Variants in EXT1 observed in about 807,000 individuals in gnomAD.
EXT1 encodes exostosin glycosyltransferase 1.
In EXT1, 20 loss-of-function variants were observed where a neutral mutation model predicts 82.5. The ratio of observed to expected loss-of-function variants is 0.24; its 90% CI spans 0.17 to 0.35. The LOEUF is 0.35. Ranked by LOEUF, EXT1 falls within the 10% of genes least tolerant of loss-of-function variation. The pLI, the probability that EXT1 is intolerant of heterozygous loss-of-function variation, is 1.00. For missense variants in EXT1, 757 were observed against 936.5 expected (o/e 0.81, Z 2.50); for synonymous variants, 348 against 350.8 (o/e 0.99, Z 0.09).
At chr8:118,068,238 G>A (rs995092514) in intron 1 of EXT1, among the ~76,000 whole-genome samples, 1 of 152,154 alleles carries the variant, frequency 6.6e-6, no homozygotes, top group Admixed American at 6.5e-5. Context: ...CAAACAATGT[G>A]GTCAGCCTCT....
chr8:118,087,462 T>C (rs1368917276), intron 1 of EXT1, among the ~76,000 whole-genome samples: 1 of 152,170 alleles, frequency 6.6e-6, no homozygotes, highest in African/African-American at 2.4e-5. Flanking sequence ...ACGTAGAAGT[T>C]TGATGTGTAC....
At chr8:117,808,070 C>T (rs1823263730) in intron 8 of EXT1, among the ~76,000 whole-genome samples, 1 of 152,202 alleles carries the variant, frequency 6.6e-6, no homozygotes, top group East Asian at 1.9e-4. Context: ...AAATGTCTCT[C>T]CGGTGCTTAT....
At chr8:117,976,529 A>G (rs1433819081) in intron 1 of EXT1, among the ~76,000 whole-genome samples, 4 of 152,220 alleles carry the variant, frequency 2.6e-5, no homozygotes, top group Non-Finnish European at 5.9e-5. Flanking sequence ...AAGACTGTAT[A>G]CAGTAGGGTT....
At chr8:117,832,637 C>T (rs1812122009) in intron 3 of EXT1, among the ~76,000 whole-genome samples, 1 of 152,162 alleles carries the variant, frequency 6.6e-6, no homozygotes, top group South Asian at 2.1e-4. Context: ...ATCACAGACT[C>T]ACCTACCAAT....
chr8:117,807,195 G>A (rs1209874844), intron 9 of EXT1, 22 bp downstream of exon 9: 1 of 1,613,912 alleles, frequency 6.2e-7, no homozygotes, highest in African/African-American at 1.3e-5. Context: ...AAGTCTGTAA[G>A]AGACATGTCC....
rs551676408 is a variant in EXT1, at chr8:118,068,660, C to T, written c.962+41425G>A. 3.9e-5 allele frequency among the ~76,000 whole-genome samples: 6 copies of T among 152,250 alleles called. No homozygotes were observed. The East Asian group carries it at 1.2e-3, about 29-fold the overall frequency. ...ATAAATAGAAACCAGAAGTGAAAAACTTGCCTAACACCTAAACCTGGATAT... is the reference window on the plus strand; with the variant it reads ...ATAAATAGAAACCAGAAGTGAAAAATTTGCCTAACACCTAAACCTGGATAT... On this transcript the variant is annotated intron_variant, in intron 1 of 10. Coordinates refer to ENST00000378204, the MANE Select transcript of EXT1 (RefSeq NM_000127.3).
At position 117,812,904 on chromosome 8, in the gene EXT1, G is replaced by A. The variant is rs1297906558; in HGVS notation, c.1690C>T (p.Leu564Phe). 6.2e-7 allele frequency: 1 copy of A among 1,614,092 alleles called. No homozygotes were observed. The highest frequency in any genetic ancestry group is 1.1e-5 in the South Asian group (1 of 91,044). ...GTTGAAAGCACCGTGTCCTCGTCAAGGCTGAGCACGGCGTCTGTGATGATG... is the reference window on the plus strand; with the variant it reads ...GTTGAAAGCACCGTGTCCTCGTCAAAGCTGAGCACGGCGTCTGTGATGATG... ...DNIITDAVLS[L>F]DEDTVLSTTE... Residue 564 changes from leucine (L) to phenylalanine (F), a missense_variant, in exon 8 of 11, where the codon CTT becomes TTT. Coordinates refer to ENST00000378204, the MANE Select transcript of EXT1 (RefSeq NM_000127.3).
At chr8:118,101,179 G>C (rs1817713202) in intron 1 of EXT1, among the ~76,000 whole-genome samples, 1 of 152,144 alleles carries the variant, frequency 6.6e-6, no homozygotes, top group African/African-American at 2.4e-5. Flanking sequence ...ACGACCCTAT[G>C]AGACCAGTAT....
intron 1 of EXT1, among the ~76,000 whole-genome samples, chr8:118,086,110 A>AT (rs988351585): frequency 6.6e-6 from 1 of 152,218 alleles, no homozygotes; most frequent in African/African-American, 2.4e-5. Context: ...AAATAAATAA[A>AT]TGAATAAAAA....
rs1272922541 is a variant in EXT1, at chr8:118,110,834, C to G, written c.213G>C (p.Leu71Phe). ...ALRPFVPWDQ[L>F]ENEDSSVHIS... Reference sequence around the variant, plus strand: ...TGTGCACGCTGGAATCCTCGTTTTCCAATTGATCCCAAGGAACGAAGGGGC... The same window carrying G: ...TGTGCACGCTGGAATCCTCGTTTTCGAATTGATCCCAAGGAACGAAGGGGC... The change falls in exon 1 of 11, where the codon TTG (leucine) becomes TTC (phenylalanine). Residue 71 changes from leucine (L) to phenylalanine (F), a missense_variant. Coordinates refer to ENST00000378204, the MANE Select transcript of EXT1 (RefSeq NM_000127.3). 4 of 1,612,450 alleles carry G rather than the reference C, an allele frequency of 2.5e-6. No individual in the cohort carries two copies. The highest frequency in any genetic ancestry group is 2.7e-5 in the African/African-American group (2 of 74,890).
At chr8:117,929,622 C>T (rs893498276) in intron 1 of EXT1, among the ~76,000 whole-genome samples, 1 of 152,168 alleles carries the variant, frequency 6.6e-6, no homozygotes, top group African/African-American at 2.4e-5. Context: ...ATGACAGATT[C>T]CCCATTACTG....
rs554257177 is a variant in EXT1, at chr8:117,887,393, C to T, written c.963-50192G>A. ...CTTGAGACACAGTCTCACTTTGTCG[C>T]CAGGCTGGAGTGCAGTGGCACGATC... On this transcript the variant is annotated intron_variant, in intron 1 of 10. Coordinates refer to ENST00000378204, the MANE Select transcript of EXT1 (RefSeq NM_000127.3). Among the ~76,000 whole-genome samples the T allele has an allele frequency of 3.3e-5, 5 of 152,284 alleles. No individual in the cohort carries two copies. In the East Asian group the frequency reaches 5.8e-4, roughly 18 times the overall value.
intron 1 of EXT1, among the ~76,000 whole-genome samples, chr8:117,960,013 C>A (rs1425082573): frequency 1.3e-5 from 2 of 152,116 alleles, no homozygotes; most frequent in Non-Finnish European, 2.9e-5. Context: ...GGAATTGAGA[C>A]CAGCCTGACC....
In EXT1 at chr8:118,110,594, C is replaced by T. The variant is rs780843781; in HGVS notation, c.453G>A (p.Ala151=). Reference sequence around the variant, plus strand: ...TATCCAGACTCAGGACAAAGAGGCACGCCTGGCTGGGGTCCGAGGTGTAGA... The same window carrying T: ...TATCCAGACTCAGGACAAAGAGGCATGCCTGGCTGGGGTCCGAGGTGTAGA... The part of the protein sequence containing the change: ...SRFYTSDPSQ[A]CLFVLSLDTL... Residue 151 remains alanine (A), a synonymous_variant, in exon 1 of 11, where the codon GCG becomes GCA. Transcript: ENST00000378204. 2 of 1,614,180 alleles carry T rather than the reference C, an allele frequency of 1.2e-6. No individual in the cohort carries two copies. Among genetic ancestry groups the T allele is most frequent in the Non-Finnish European group, 8.5e-7 (1 of 1,180,036 alleles).
At chr8:118,038,637 T>G (rs906074887) in intron 1 of EXT1, among the ~76,000 whole-genome samples, 1 of 152,258 alleles carries the variant, frequency 6.6e-6, no homozygotes, top group Non-Finnish European at 1.5e-5. Context: ...ACTTGGACCC[T>G]GTGTTTATCT....
At chr8:117,873,447 C>CTTTTTTTTTTTTTTTTTTTTTTTTTT (rs1184985472) in intron 1 of EXT1, among the ~76,000 whole-genome samples, 1 of 99,706 alleles carries the variant, frequency 1.0e-5, no homozygotes, top group African/African-American at 4.1e-5. Flanking sequence ...TGTCCTGTGA[C>CTTTTTTTTTTTTTTTTTTTTTTTTTT]TTTTTTTTTT....
chr8:117,801,443 C>T (rs971300697), intron 10 of EXT1, among the ~76,000 whole-genome samples: 1 of 152,130 alleles, frequency 6.6e-6, no homozygotes, highest in African/African-American at 2.4e-5. Flanking sequence ...GAGTTCATAT[C>T]AGAGTAGACA....
At chr8:117,864,821 G>A (rs1011441867) in intron 1 of EXT1, among the ~76,000 whole-genome samples, 11 of 151,934 alleles carry the variant, frequency 7.2e-5, no homozygotes, top group African/African-American at 2.7e-4. Context: ...ATTTGTGTTG[G>A]GCCACATTCA....
At chr8:117,837,267 G>C (rs1345656611) in intron 1 of EXT1, 66 bp from the exon 2 acceptor site, 1 of 1,328,600 alleles carries the variant, frequency 7.5e-7, no homozygotes, top group East Asian at 2.3e-5. Context: ...ATTGACCATA[G>C]GTGGGCGCCC....
Sources: allele counts gnomAD v4.1 joint callset (sites outside exome capture counted in the v4.1 genomes callset), GRCh38; gene constraint gnomAD v4.1.1; transcripts MANE v1.5; gene names NCBI Gene and HGNC (gene_info 2026-07-23, HGNC 2026-07-21).